SYCP1: variants seen among roughly 807,000 people sequenced by gnomAD.
The protein encoded by SYCP1 is synaptonemal complex protein 1.
Under a neutral mutation model 153.1 loss-of-function variants are expected in SYCP1, and 64 were observed. The observed-to-expected ratio is 0.42, with a 90% CI of 0.34 to 0.51. The LOEUF is 0.51. SYCP1 is among the 20% of genes least tolerant of loss of function. SYCP1 has a pLI of 0.06. For synonymous variants in SYCP1, 384 were observed against 341.8 expected, an observed-to-expected ratio of 1.12 and a Z score of -1.36; for missense variants, 997 against 1,049.0, an observed-to-expected ratio of 0.95 and a Z score of 0.68.
intron 25 of SYCP1, among the ~76,000 whole-genome samples, 197 bp downstream of exon 25, chr1:114,945,179 G>A (rs1670631371): frequency 6.6e-6 from 1 of 151,966 alleles, no homozygotes; most frequent in Non-Finnish European, 1.5e-5. Flanking sequence ...GAGCCTGTGT[G>A]TCACATCCTT....
At chr1:114,879,071 C>T (rs572829434) in intron 12 of SYCP1, among the ~76,000 whole-genome samples, 1 of 152,244 alleles carries the variant, frequency 6.6e-6, no homozygotes, top group Admixed American at 6.5e-5. Context: ...GGTGTGGCAA[C>T]ATCTTATTGA....
chr1:114,987,775 T>A (rs1238998811), intron 30 of SYCP1, among the ~76,000 whole-genome samples: 1 of 151,836 alleles, frequency 6.6e-6, no homozygotes, highest in African/African-American at 2.4e-5. Context: ...GAAATTATCC[T>A]TGAGGAAGCT....
chr1:114,877,962 C>T, intron 11 of SYCP1, 132 bp from the exon 12 acceptor site: 1 of 541,876 alleles, frequency 1.8e-6, no homozygotes, highest in East Asian at 3.3e-5. Context: ...GGAGTAGAGA[C>T]CAGGGTGGGA....
chr1:114,940,452 T>G (rs1433009230), intron 23 of SYCP1, among the ~76,000 whole-genome samples: 1 of 152,170 alleles, frequency 6.6e-6, no homozygotes, highest in Non-Finnish European at 1.5e-5. Context: ...ATGTACACAT[T>G]TCAATGCTGT....
chr1:114,960,437 G>A (rs984064321), intron 27 of SYCP1, among the ~76,000 whole-genome samples: 6 of 152,098 alleles, frequency 3.9e-5, no homozygotes, highest in African/African-American at 1.2e-4. Flanking sequence ...CTAAGTGCTG[G>A]GATTACGGGC....
intron 8 of SYCP1, among the ~76,000 whole-genome samples, chr1:114,861,972 T>A (rs975647194): frequency 1.3e-5 from 2 of 151,858 alleles, no homozygotes; most frequent in African/African-American, 2.4e-5. Context: ...GCTAATTTTT[T>A]GTATTTTTAG....
intron 25 of SYCP1, 152 bp downstream of exon 25, chr1:114,945,134 A>T (rs1670628613): frequency 3.4e-6 from 2 of 585,804 alleles, no homozygotes; most frequent in Non-Finnish European, 5.8e-6. Context: ...CTTGATGCCC[A>T]TTTCTTCAAG....
chr1:114,964,969 A>G (rs2101895026), intron 27 of SYCP1, among the ~76,000 whole-genome samples: 1 of 152,300 alleles, frequency 6.6e-6, no homozygotes, highest in Non-Finnish European at 1.5e-5. Context: ...GGCCATTTTC[A>G]TGGTATTGAT....
chr1:114,915,671 G>C (rs1668470177), intron 20 of SYCP1, among the ~76,000 whole-genome samples: 1 of 152,152 alleles, frequency 6.6e-6, no homozygotes, highest in African/African-American at 2.4e-5. Context: ...AGTCAAATAA[G>C]GAGTAAGTTC....
intron 27 of SYCP1, among the ~76,000 whole-genome samples, chr1:114,947,862 T>C (rs913127706): frequency 6.7e-5 from 10 of 150,114 alleles, no homozygotes; most frequent in Non-Finnish European, 1.0e-4. Context: ...CCCTTTTTTT[T>C]CTGCAAATAC....
At chr1:114,960,126 A>C (rs1035693711) in intron 27 of SYCP1, among the ~76,000 whole-genome samples, 1 of 150,074 alleles carries the variant, frequency 6.7e-6, no homozygotes, top group Non-Finnish European at 1.5e-5. Context: ...TGGCTGGATC[A>C]TACAGTCTAT....
chr1:114,901,095 A>G (rs1175847999), intron 16 of SYCP1, among the ~76,000 whole-genome samples: 2 of 152,212 alleles, frequency 1.3e-5, no homozygotes, highest in Non-Finnish European at 2.9e-5. Context: ...ATGTAACTAC[A>G]TAGGCAGAAG....
rs777108265 is a variant in SYCP1 at position 114,874,512 on chromosome 1, A to G, written c.605A>G (p.Tyr202Cys). 6.4e-7 allele frequency: 1 copy of G among 1,561,452 alleles called. No individual in the cohort carries two copies. The highest frequency in any genetic ancestry group is 1.2e-5 in the South Asian group (1 of 84,552). ...ATTTTTATATTAACAATAGATGAATATGAACGGGAAGAAACCAGGCAAGTT... is the reference window on the plus strand; with the variant it reads ...ATTTTTATATTAACAATAGATGAATGTGAACGGGAAGAAACCAGGCAAGTT... ...RSAEKTKKYEYEREETRQVYM... is the reference protein window; with the variant it reads ...RSAEKTKKYECEREETRQVYM... Residue 202 changes from tyrosine (Y) to cysteine (C), a missense_variant, in exon 9 of 32, where the codon TAT becomes TGT. By Grantham distance (194) the Tyr-to-Cys change is radical. Around this residue, in one of 2 missense-constraint regions of SYCP1, gnomAD observed 285 missense variants for 366.1 expected, o/e 0.78. Transcript: ENST00000369522.
chr1:114,990,564 A>G (rs192025144), intron 30 of SYCP1, among the ~76,000 whole-genome samples: 7 of 152,096 alleles, frequency 4.6e-5, no homozygotes, highest in Admixed American at 4.6e-4. Flanking sequence ...TGAAAAGATC[A>G]ACAAAATAGG....
Position 114,899,692 on chromosome 1 carries a change from C to T in SYCP1, c.1320+4183C>T, listed in dbSNP as rs970396338. ...AACCTTAATTGTGATTGATAGTATA[C>T]TCAGACATTAGAATTTTAGAAATCC... On this transcript the variant is annotated intron_variant, in intron 16 of 31. Transcript: ENST00000369522. Among the ~76,000 whole-genome samples the T allele has an allele frequency of 4.6e-5, 7 of 152,184 alleles. No homozygotes were observed. In the East Asian group the frequency reaches 1.3e-3, roughly 29 times the overall value.
At chr1:114,951,037 G>A (rs949268691) in intron 27 of SYCP1, among the ~76,000 whole-genome samples, 3 of 152,006 alleles carry the variant, frequency 2.0e-5, no homozygotes, top group Admixed American at 6.6e-5. Flanking sequence ...TGTTAGCCAG[G>A]ATGGTCTCAA....
intron 14 of SYCP1, among the ~76,000 whole-genome samples, chr1:114,886,991 G>T (rs2101553160): frequency 6.6e-6 from 1 of 151,986 alleles, no homozygotes; most frequent in East Asian, 1.9e-4. Flanking sequence ...TAGCATTAGG[G>T]TTAATTAAGT....
intron 23 of SYCP1, among the ~76,000 whole-genome samples, chr1:114,927,300 G>A (rs1308292806): frequency 1.3e-5 from 2 of 151,994 alleles, no homozygotes; most frequent in Admixed American, 1.3e-4. Context: ...GTAGAGTAAG[G>A]AGAAAGGTAC....
intron 25 of SYCP1, among the ~76,000 whole-genome samples, chr1:114,945,403 T>A (rs1570828365): frequency 6.6e-6 from 1 of 152,208 alleles, no homozygotes; most frequent in East Asian, 1.9e-4. Flanking sequence ...TGTTTTTGTC[T>A]TATATTTTTA....
Sources: gnomAD v4.1 joint callset for allele counts (sites outside exome capture counted in the v4.1 genomes callset) on GRCh38, gnomAD v4.1.1 for gene constraint, gnomAD v4.1.1 regional missense constraint, MANE v1.5 for transcripts, NCBI Gene and HGNC (gene_info 2026-07-23, HGNC 2026-07-21) for gene names.